IQCJ: variants seen among roughly 807,000 people sequenced by gnomAD.
IQCJ encodes IQ domain-containing protein J.
IQCJ carries 9 observed loss-of-function variants against 11.0 expected under a neutral mutation model. That is an observed-to-expected ratio of 0.82 (90% CI 0.49 to 1.43). The LOEUF (loss-of-function observed/expected upper bound fraction) is 1.43, where lower values mean the gene tolerates loss of function less well. Among genes scored for constraint, IQCJ ranks in the 40% most tolerant of loss-of-function variants. The probability of loss-of-function intolerance (pLI) is 0.00; values close to 1 mark genes in which losing one functional copy is unlikely to be tolerated. For missense variants in IQCJ, 146 were observed against 133.2 expected (o/e 1.10, Z -0.47); for synonymous variants, 55 against 51.3 (o/e 1.07, Z -0.31).
At chr3:159,175,725 T>G (rs1722756700) in intron 1 of IQCJ, among the ~76,000 whole-genome samples, 1 of 152,210 alleles carries the variant, frequency 6.6e-6, no homozygotes, top group Admixed American at 6.5e-5. Context: ...TACAATATGC[T>G]TATTGATCAA....
chr3:159,123,404 G>C (rs184076184), intron 1 of IQCJ, among the ~76,000 whole-genome samples: 1 of 152,178 alleles, frequency 6.6e-6, no homozygotes, highest in Non-Finnish European at 1.5e-5. Context: ...TAGAAACCTC[G>C]CTGCAGATGT....
intron 1 of IQCJ, among the ~76,000 whole-genome samples, chr3:159,114,138 A>T (rs1306066117): frequency 6.6e-6 from 1 of 152,138 alleles, no homozygotes; most frequent in Non-Finnish European, 1.5e-5. Flanking sequence ...TTCTGAGTTG[A>T]GGAAGGATGG....
chr3:159,149,439 G>T (rs1308576052), intron 1 of IQCJ, among the ~76,000 whole-genome samples: 1 of 152,102 alleles, frequency 6.6e-6, no homozygotes, highest in Non-Finnish European at 1.5e-5. Context: ...TTTTTTGCTG[G>T]CCTTTTAAAA....
chr3:159,086,882 C>T (rs1166783187), intron 1 of IQCJ, among the ~76,000 whole-genome samples: 1 of 152,056 alleles, frequency 6.6e-6, no homozygotes, highest in Non-Finnish European at 1.5e-5. Flanking sequence ...ATTTGACTTC[C>T]TCTTTTCCTA....
chr3:159,214,380 G>A (rs1038339451), intron 1 of IQCJ, among the ~76,000 whole-genome samples: 10 of 152,276 alleles, frequency 6.6e-5, no homozygotes, highest in African/African-American at 2.2e-4. Flanking sequence ...GATCCTCACT[G>A]TCGTTGCCTT....
At chr3:159,077,309 A>G (rs866953656) in intron 1 of IQCJ, among the ~76,000 whole-genome samples, 1 of 152,088 alleles carries the variant, frequency 6.6e-6, no homozygotes, top group African/African-American at 2.4e-5. Flanking sequence ...ATCTATCAAC[A>G]CTTGATTAGC....
At chr3:159,126,489 G>A (rs907484694) in intron 1 of IQCJ, among the ~76,000 whole-genome samples, 2 of 152,182 alleles carry the variant, frequency 1.3e-5, no homozygotes, top group Non-Finnish European at 2.9e-5. Context: ...AAACATGACC[G>A]TGTCCCCACA....
intron 1 of IQCJ, among the ~76,000 whole-genome samples, chr3:159,086,479 T>C (rs960373027): frequency 2.0e-5 from 3 of 152,228 alleles, no homozygotes; most frequent in Admixed American, 2.0e-4. Flanking sequence ...TTGATGGGGA[T>C]GGCATTGAAT....
At chr3:159,183,023 T>G (rs1366083999) in intron 1 of IQCJ, among the ~76,000 whole-genome samples, 1 of 152,092 alleles carries the variant, frequency 6.6e-6, no homozygotes, top group Non-Finnish European at 1.5e-5. Context: ...GAGTGTTTGG[T>G]ATGTACAGAA....
intron 1 of IQCJ, among the ~76,000 whole-genome samples, chr3:159,088,138 C>G (rs954483956): frequency 6.6e-6 from 1 of 152,248 alleles, no homozygotes; most frequent in East Asian, 1.9e-4. Context: ...TCGTTGGTTT[C>G]AAAGAACATC....
intron 1 of IQCJ, among the ~76,000 whole-genome samples, chr3:159,203,423 G>A (rs762813895): frequency 6.6e-5 from 10 of 151,528 alleles, no homozygotes; most frequent in Non-Finnish European, 1.5e-5. Context: ...GGTTTAGTGT[G>A]TGCTCCTTCT....
chr3:159,181,490 C>T (rs1279067486), intron 1 of IQCJ, among the ~76,000 whole-genome samples: 1 of 150,224 alleles, frequency 6.7e-6, no homozygotes, highest in Non-Finnish European at 1.5e-5. Context: ...GTCACCTGAA[C>T]TGAACTTTAG....
intron 1 of IQCJ, among the ~76,000 whole-genome samples, chr3:159,142,789 A>G (rs1265605599): frequency 6.6e-6 from 1 of 152,140 alleles, no homozygotes; most frequent in African/African-American, 2.4e-5. Context: ...CCCAAAATAC[A>G]TAATATTGGC....
chr3:159,125,973 G>A (rs1332165528), intron 1 of IQCJ, among the ~76,000 whole-genome samples: 2 of 152,216 alleles, frequency 1.3e-5, no homozygotes, highest in East Asian at 1.9e-4. Flanking sequence ...GCTGGTCTGA[G>A]GTGGCAAGTA....
chr3:159,188,406 A>G (rs951515426), intron 1 of IQCJ, among the ~76,000 whole-genome samples: 2 of 151,968 alleles, frequency 1.3e-5, no homozygotes, highest in Non-Finnish European at 2.9e-5. Flanking sequence ...GTGAAACTCT[A>G]TCTCAAAACA....
At chr3:159,224,490 T>C (rs1725728605) in intron 1 of IQCJ, among the ~76,000 whole-genome samples, 3 of 152,262 alleles carry the variant, frequency 2.0e-5, no homozygotes, top group South Asian at 4.2e-4. Context: ...AAGAAAAGTT[T>C]CCTTATAAAT....
intron 1 of IQCJ, among the ~76,000 whole-genome samples, chr3:159,084,838 G>A (rs971210758): frequency 6.6e-6 from 1 of 151,990 alleles, no homozygotes; most frequent in Non-Finnish European, 1.5e-5. Flanking sequence ...TCTTGATGGG[G>A]ATTTACTCTA....
chr3:159,112,115 CATGAT>C (rs1718670196), intron 1 of IQCJ, among the ~76,000 whole-genome samples: 1 of 152,158 alleles, frequency 6.6e-6, no homozygotes, highest in African/African-American at 2.4e-5. Flanking sequence ...AATAAATCCT[CATGAT>C]ATGAGGACAG....
At chr3:159,090,036 C>A (rs1359309702) in intron 1 of IQCJ, among the ~76,000 whole-genome samples, 4 of 151,536 alleles carry the variant, frequency 2.6e-5, no homozygotes, top group African/African-American at 9.8e-5. Context: ...CGGTTTTTTC[C>A]CCATCTTTGT....
Sources: gnomAD v4.1 joint callset for allele counts (sites outside exome capture counted in the v4.1 genomes callset) on GRCh38, gnomAD v4.1.1 for gene constraint, MANE v1.5 for transcripts, NCBI Gene and HGNC (gene_info 2026-07-23, HGNC 2026-07-21) for gene names.